HRH1: variants seen among roughly 807,000 people sequenced by gnomAD.
The protein encoded by HRH1 is histamine receptor H1, also known as histamine H1 receptor.
In HRH1, 6 loss-of-function variants were observed where a neutral mutation model predicts 10.3. The observed-to-expected ratio is 0.58, with a 90% CI of 0.32 to 1.15. The LOEUF is 1.15. HRH1 is among the 50% of genes most tolerant of loss of function. HRH1 has a pLI of 0.05. For missense variants in HRH1, 514 were observed against 615.3 expected, an observed-to-expected ratio of 0.84 and a Z score of 1.74; for synonymous variants, 242 against 236.7, an observed-to-expected ratio of 1.02 and a Z score of -0.21.
At chr3:11,142,339 C>A (rs968353579) in intron 1 of HRH1, among the ~76,000 whole-genome samples, 1 of 152,182 alleles carries the variant, frequency 6.6e-6, no homozygotes, top group African/African-American at 2.4e-5. Context: ...TGCAGAATTG[C>A]CTAAGGACCT....
intron 1 of HRH1, among the ~76,000 whole-genome samples, chr3:11,178,149 T>C (rs947379575): frequency 4.6e-5 from 7 of 152,182 alleles, no homozygotes; most frequent in African/African-American, 7.2e-5. Context: ...ATCACTCTTA[T>C]CTCATGCATA....
intron 1 of HRH1, among the ~76,000 whole-genome samples, chr3:11,257,475 A>C (rs1027647237): frequency 3.3e-5 from 5 of 151,178 alleles, no homozygotes; most frequent in Admixed American, 6.6e-5. Flanking sequence ...CAGGAGAATC[A>C]CTTGAATTTG....
chr3:11,228,914 A>C (rs933750655), intron 1 of HRH1, among the ~76,000 whole-genome samples: 1 of 142,104 alleles, frequency 7.0e-6, no homozygotes, highest in South Asian at 2.3e-4. Flanking sequence ...AGTATGTCAA[A>C]AAAAAAAAAA....
intron 1 of HRH1, among the ~76,000 whole-genome samples, chr3:11,171,485 A>T (rs565403780): frequency 1.3e-5 from 2 of 152,314 alleles, no homozygotes; most frequent in East Asian, 3.9e-4. Context: ...CCGCTGCTGC[A>T]CCAATGTGAC....
rs1269060542 is a variant in HRH1, at chr3:11,234,340, C to T, written c.-35-24663C>T. 3.8e-6 allele frequency: 6 copies of T among 1,592,280 alleles called. No individual in the cohort carries two copies. The East Asian group carries it at 1.3e-4, about 36-fold the overall frequency. On this transcript the variant is annotated intron_variant, in intron 1 of 1. Coordinates refer to ENST00000431010, the MANE Select transcript of HRH1 (RefSeq NM_001098212.2). Reference sequence around the variant, plus strand: ...GTTCTGCTGGCTTCTTCTCTCTTTCCTCTTCCTCATCCTCATCCTCTTGGG... The same window carrying T: ...GTTCTGCTGGCTTCTTCTCTCTTTCTTCTTCCTCATCCTCATCCTCTTGGG...
intron 1 of HRH1, among the ~76,000 whole-genome samples, chr3:11,254,077 C>T (rs1344347037): frequency 6.6e-6 from 1 of 152,124 alleles, no homozygotes; most frequent in Non-Finnish European, 1.5e-5. Flanking sequence ...GCCTAGGGGA[C>T]TATCAGAGGG....
At chr3:11,246,576 G>A (rs930325666) in intron 1 of HRH1, among the ~76,000 whole-genome samples, 3 of 152,200 alleles carry the variant, frequency 2.0e-5, no homozygotes, top group East Asian at 3.8e-4. Flanking sequence ...TCTCACTGAC[G>A]AGAACTATCC....
chr3:11,153,938 C>T (rs1936711669), upstream of HRH1, among the ~76,000 whole-genome samples: 1 of 152,176 alleles, frequency 6.6e-6, no homozygotes, highest in South Asian at 2.1e-4. Flanking sequence ...AGGGTTCCTA[C>T]TGTCAATCTT....
chr3:11,183,521 G>A (rs998065220), intron 1 of HRH1, among the ~76,000 whole-genome samples: 1 of 152,272 alleles, frequency 6.6e-6, no homozygotes, highest in African/African-American at 2.4e-5. Context: ...GCCCCAAAGC[G>A]CCTGTAGTAC....
intron 1 of HRH1, among the ~76,000 whole-genome samples, chr3:11,221,253 A>G (rs1268417347): frequency 6.6e-6 from 1 of 152,098 alleles, no homozygotes; most frequent in Non-Finnish European, 1.5e-5. Context: ...TAATTGTGGT[A>G]AAATATCTGT....
At chr3:11,256,416 T>G (rs1939783662) in intron 1 of HRH1, among the ~76,000 whole-genome samples, 1 of 152,286 alleles carries the variant, frequency 6.6e-6, no homozygotes, top group Non-Finnish European at 1.5e-5. Context: ...CCCAAAATGG[T>G]GTTTTTCCAA....
At chr3:11,228,424 A>T (rs1012176489) in intron 1 of HRH1, among the ~76,000 whole-genome samples, 1 of 152,142 alleles carries the variant, frequency 6.6e-6, no homozygotes, top group African/African-American at 2.4e-5. Flanking sequence ...GAGATACCCC[A>T]GACCAATTAC....
intron 1 of HRH1, among the ~76,000 whole-genome samples, chr3:11,240,647 G>GGGT (rs149931552): frequency 0.55 from 83,007 of 151,876 alleles, 24,011 homozygotes; most frequent in East Asian, 0.7. Flanking sequence ...TCTTAAGCCA[G>GGGT]AACTCCTCCA....
intron 1 of HRH1, among the ~76,000 whole-genome samples, chr3:11,224,686 C>T (rs887614690): frequency 1.5e-4 from 21 of 143,802 alleles, no homozygotes; most frequent in African/African-American, 4.9e-4. Context: ...GGCGACTGAG[C>T]GAGACTCCAT....
chr3:11,146,164 A>G (rs1162548715), intron 1 of HRH1, among the ~76,000 whole-genome samples: 2 of 152,194 alleles, frequency 1.3e-5, no homozygotes, highest in Non-Finnish European at 2.9e-5. Context: ...TTGCATTCCC[A>G]TCAGTCACGT....
chr3:11,226,885 TAA>T lies in HRH1; in HGVS notation c.-35-32101_-35-32100del, dbSNP rs11312109. On this transcript the variant is annotated intron_variant, in intron 1 of 1. Coordinates refer to ENST00000431010, the MANE Select transcript of HRH1 (RefSeq NM_001098212.2). ...CTGGGTGACAGAGCAAGACTCAGTC[TAA>T]AAAAAAAAAAAAAAAAGAAGATACC... Among the ~76,000 whole-genome samples the T allele has an allele frequency of 3.9e-3, 526 of 133,318 alleles. 3 individuals carry two copies. Among genetic ancestry groups the T allele is most frequent in the Middle Eastern group, 8.1e-3 (2 of 248 alleles). 87.5% of individuals were successfully genotyped at this position (133,318 alleles called of 152,430 possible).
In HRH1 at chr3:11,156,547, G is replaced by T. The variant is rs1284260972; in HGVS notation, c.-36+1993G>T. 2.0e-5 allele frequency among the ~76,000 whole-genome samples: 3 copies of T among 152,174 alleles called. No homozygotes were observed. In the East Asian group the frequency reaches 5.8e-4, roughly 29 times the overall value. On this transcript the variant is annotated intron_variant, in intron 1 of 1. Transcript: ENST00000431010. ...CATAGCAAAGACATCAAAAGTGTGG[G>T]ATTCTGGAGCTCACCTGTTGGGGTT...
At chr3:11,172,704 CTTTT>C (rs537415650) in intron 1 of HRH1, among the ~76,000 whole-genome samples, 12,112 of 130,872 alleles carry the variant, frequency 0.093, 922 homozygotes, top group African/African-American at 0.22. Flanking sequence ...TTTGGCGAAT[CTTTT>C]TTTTTTTTTT....
At chr3:11,230,018 GC>G (rs1379711626) in intron 1 of HRH1, among the ~76,000 whole-genome samples, 1 of 152,128 alleles carries the variant, frequency 6.6e-6, no homozygotes, top group African/African-American at 2.4e-5. Context: ...CAGATAGGGG[GC>G]TGTTGCAGTA....
Sources: gnomAD v4.1 joint callset for allele counts (sites outside exome capture counted in the v4.1 genomes callset) on GRCh38, gnomAD v4.1.1 for gene constraint, MANE v1.5 for transcripts, NCBI Gene and HGNC (gene_info 2026-07-23, HGNC 2026-07-21) for gene names.